Variants in SV2B observed in about 807,000 individuals in gnomAD.
The protein encoded by SV2B is synaptic vesicle glycoprotein 2B.
SV2B carries 41 observed loss-of-function variants against 73.9 expected under a neutral mutation model. That is an observed-to-expected ratio of 0.56 (90% CI 0.43 to 0.72). The LOEUF is 0.72. SV2B is among the 30% of genes least tolerant of loss of function. The probability of loss-of-function intolerance (pLI) is 0.00; values close to 1 mark genes in which losing one functional copy is unlikely to be tolerated. For synonymous variants in SV2B, 314 were observed against 314.2 expected, an observed-to-expected ratio of 1.00 and a Z score of 0.01; for missense variants, 764 against 857.8, an observed-to-expected ratio of 0.89 and a Z score of 1.37.
chr15:91,113,049 C>T (rs934401078), intron 1 of SV2B, among the ~76,000 whole-genome samples: 8 of 152,114 alleles, frequency 5.3e-5, no homozygotes, highest in African/African-American at 1.9e-4. Flanking sequence ...CCAGACTAGT[C>T]CTGAATTCCT....
At position 91,132,254 on chromosome 15, in the gene SV2B, T is replaced by C. The variant is rs927529758; in HGVS notation, c.-392+31891T>C. On this transcript the variant is annotated intron_variant, in intron 1 of 12. Coordinates refer to ENST00000394232, the MANE Select transcript of SV2B (RefSeq NM_001323032.3). This position sits in a 1 kb window ranked among gnomAD's most constrained non-coding sequence, Gnocchi z 4.6. Reference sequence around the variant, plus strand: ...AAGTTTCCCATTGGCTGCTTCATGCTCACCTCATGTAAATGAAGTAGTAGC... The same window carrying C: ...AAGTTTCCCATTGGCTGCTTCATGCCCACCTCATGTAAATGAAGTAGTAGC... 1.3e-5 allele frequency among the ~76,000 whole-genome samples: 2 copies of C among 152,232 alleles called. No individual in the cohort carries two copies. The highest frequency in any genetic ancestry group is 4.8e-5 in the African/African-American group (2 of 41,464).
At chr15:91,221,770 T>A (rs2046227823) in intron 1 of SV2B, among the ~76,000 whole-genome samples, 1 of 151,908 alleles carries the variant, frequency 6.6e-6, no homozygotes, top group Non-Finnish European at 1.5e-5. Context: ...GCCGTTAGAT[T>A]TTTTATTAAA....
intron 1 of SV2B, among the ~76,000 whole-genome samples, chr15:91,205,190 A>G (rs1009141315): frequency 6.6e-6 from 1 of 152,104 alleles, no homozygotes; most frequent in Non-Finnish European, 1.5e-5. Context: ...TCTAGTGTCA[A>G]CCTAAAATAA....
In SV2B at chr15:91,261,679, A is replaced by T. The variant is rs749916600; in HGVS notation, c.1008+1270A>T. Among the ~76,000 whole-genome samples, 2 of 152,220 alleles carry T rather than the reference A, an allele frequency of 1.3e-5. No individual in the cohort carries two copies. Among genetic ancestry groups the T allele is most frequent in the Non-Finnish European group, 2.9e-5 (2 of 68,046 alleles). On this transcript the variant is annotated intron_variant, in intron 6 of 12. Coordinates refer to ENST00000394232, the MANE Select transcript of SV2B (RefSeq NM_001323032.3). The surrounding 1 kb of genome is among the most constrained non-coding windows in gnomAD (Gnocchi z 4.7). Reference sequence around the variant, plus strand: ...CATTTCAACTGGGTTGTACCAATCTACAATGCCACAGGCAATAGAGGACCC... The same window carrying T: ...CATTTCAACTGGGTTGTACCAATCTTCAATGCCACAGGCAATAGAGGACCC...
chr15:91,168,014 A>G (rs1250254237), intron 1 of SV2B, among the ~76,000 whole-genome samples: 1 of 152,152 alleles, frequency 6.6e-6, no homozygotes, highest in Non-Finnish European at 1.5e-5. Context: ...ACTCGGGGTC[A>G]GTCTATAATC....
intron 9 of SV2B, among the ~76,000 whole-genome samples, chr15:91,271,645 C>G (rs958272308): frequency 6.6e-6 from 1 of 152,196 alleles, no homozygotes; most frequent in Non-Finnish European, 1.5e-5. Flanking sequence ...CACTCCCTCC[C>G]CAGCAACTTG....
chr15:91,178,683 G>A (rs993935631), intron 1 of SV2B, among the ~76,000 whole-genome samples: 1 of 151,562 alleles, frequency 6.6e-6, no homozygotes, highest in African/African-American at 2.4e-5. Context: ...TTTGCGTAGA[G>A]GTGTTTGTAG....
chr15:91,223,587 A>C lies in SV2B; in HGVS notation c.-391-2286A>C, dbSNP rs1011575784. On this transcript the variant is annotated intron_variant, in intron 1 of 12. Transcript: ENST00000394232. The surrounding 1 kb of genome is among the most constrained non-coding windows in gnomAD (Gnocchi z 4.6). Reference sequence around the variant, plus strand: ...TTATAGGGCCCCCAGGATGGAAATAACACACCAGATCTCAGTCAGGTGGCG... The same window carrying C: ...TTATAGGGCCCCCAGGATGGAAATACCACACCAGATCTCAGTCAGGTGGCG... Among the ~76,000 whole-genome samples the C allele has an allele frequency of 2.6e-5, 4 of 152,188 alleles. No individual in the cohort carries two copies. The highest frequency in any genetic ancestry group is 9.7e-5 in the African/African-American group (4 of 41,422).
chr15:91,173,619 C>A (rs1391556841), intron 1 of SV2B, among the ~76,000 whole-genome samples: 1 of 152,220 alleles, frequency 6.6e-6, no homozygotes, highest in Admixed American at 6.5e-5. Context: ...CTTACCCATC[C>A]TGTGTCCACA....
At chr15:91,165,032 T>C (rs994651) in intron 1 of SV2B, among the ~76,000 whole-genome samples, 51,752 of 152,114 alleles carry the variant, frequency 0.34, 9,682 homozygotes, top group East Asian at 0.64. Flanking sequence ...TTCAAGCAAC[T>C]GTGGATCAAA....
rs548970057 is a variant in SV2B, at chr15:91,139,340, A to T, written c.-392+38977A>T. On this transcript the variant is annotated intron_variant, in intron 1 of 12. Coordinates refer to ENST00000394232, the MANE Select transcript of SV2B (RefSeq NM_001323032.3). This position sits in a 1 kb window ranked among gnomAD's most constrained non-coding sequence, Gnocchi z 5.2. ...GAATGTGCTTGCAAATTTCCACAAT[A>T]AAATGTTAAAAAAAAAGAAGTAAGG... is the stretch of plus-strand genomic sequence containing the variant. Among the ~76,000 whole-genome samples the T allele has an allele frequency of 6.7e-6, 1 of 149,166 alleles. No homozygotes were observed. Among genetic ancestry groups the T allele is most frequent in the African/African-American group, 2.5e-5 (1 of 40,412 alleles).
At chr15:91,208,647 T>C (rs1438487695) in intron 1 of SV2B, among the ~76,000 whole-genome samples, 2 of 152,210 alleles carry the variant, frequency 1.3e-5, no homozygotes, top group African/African-American at 4.8e-5. Flanking sequence ...CCTACAACAA[T>C]ATTCCTGCCA....
Position 91,197,246 on chromosome 15 carries a change from G to T in SV2B, c.-391-28627G>T, listed in dbSNP as rs1332772181. ...GTTTTGTTTTGTTTTGTTTTGTTTT[G>T]AGACAGAGTTTCATTCTCGTTGCCC... On this transcript the variant is annotated intron_variant, in intron 1 of 12. Transcript: ENST00000394232. The surrounding 1 kb of genome is among the most constrained non-coding windows in gnomAD (Gnocchi z 4.9). 6.6e-6 allele frequency among the ~76,000 whole-genome samples: 1 copy of T among 151,432 alleles called. No individual in the cohort carries two copies. Among genetic ancestry groups the T allele is most frequent in the Non-Finnish European group, 1.5e-5 (1 of 67,942 alleles).
At chr15:91,195,942 G>A (rs1382237999) in intron 1 of SV2B, among the ~76,000 whole-genome samples, 1 of 152,140 alleles carries the variant, frequency 6.6e-6, no homozygotes, top group Non-Finnish European at 1.5e-5. Flanking sequence ...CTGAGGTTCT[G>A]CAATTCTATT....
chr15:91,154,833 G>C (rs2043433710), intron 1 of SV2B, among the ~76,000 whole-genome samples: 1 of 152,096 alleles, frequency 6.6e-6, no homozygotes, highest in Non-Finnish European at 1.5e-5. Context: ...GACTTCTAGG[G>C]TCCAGAAATG....
At position 91,258,272 on chromosome 15, in the gene SV2B, G is replaced by A. The variant is rs544713079; in HGVS notation, c.785-149G>A. The stretch of plus-strand genomic sequence containing the variant: ...CCCAGGCTTATGACTCAGAAGCTTC[G>A]GAGGCACAGCTGAGGAGTCTGCATT... On this transcript the variant is annotated intron_variant, in intron 4 of 12. Transcript: ENST00000394232. This position sits in a 1 kb window ranked among gnomAD's most constrained non-coding sequence, Gnocchi z 4.7. 4.3e-5 allele frequency: 45 copies of A among 1,039,304 alleles called. No individual in the cohort carries two copies. In the South Asian group the frequency reaches 6.1e-4, roughly 14 times the overall value. The allele number at this position is 1,039,304 out of a possible 1,614,324, so 64.4% of individuals were successfully genotyped here.
intron 1 of SV2B, among the ~76,000 whole-genome samples, chr15:91,188,941 C>G (rs1382119109): frequency 2.0e-5 from 3 of 152,098 alleles, no homozygotes; most frequent in African/African-American, 7.2e-5. Flanking sequence ...ATTCTCTAGC[C>G]TCGGCCTCCC....
chr15:91,287,065 G>A (rs993429347), intron 11 of SV2B, among the ~76,000 whole-genome samples: 2 of 152,188 alleles, frequency 1.3e-5, no homozygotes, highest in Admixed American at 6.5e-5. Flanking sequence ...GCACTTGGGG[G>A]TCCTGTAGAT....
At chr15:91,263,316 A>G (rs2047985296) in intron 6 of SV2B, among the ~76,000 whole-genome samples, 1 of 152,048 alleles carries the variant, frequency 6.6e-6, no homozygotes, top group Non-Finnish European at 1.5e-5. Flanking sequence ...GAACACACGG[A>G]CACACAGAGG....
Sources: gnomAD v4.1 joint callset for allele counts (sites outside exome capture counted in the v4.1 genomes callset) on GRCh38, gnomAD v4.1.1 for gene constraint, Gnocchi (gnomAD v3.1) non-coding constraint, MANE v1.5 for transcripts, NCBI Gene and HGNC (gene_info 2026-07-23, HGNC 2026-07-21) for gene names.